Variants in SAMD3 observed in about 807,000 individuals in gnomAD.
The protein encoded by SAMD3 is sterile alpha motif domain-containing protein 3.
Under a neutral mutation model 58.5 loss-of-function variants are expected in SAMD3, and 63 were observed. The ratio of observed to expected loss-of-function variants is 1.08; its 90% CI spans 0.88 to 1.33. The LOEUF (loss-of-function observed/expected upper bound fraction) is 1.33. Ranked by LOEUF, SAMD3 falls within the 40% of genes most tolerant of loss-of-function variation. The probability of loss-of-function intolerance (pLI) is 0.00; values close to 1 mark genes in which losing one functional copy is unlikely to be tolerated. For missense variants in SAMD3, 604 were observed against 608.4 expected, an observed-to-expected ratio of 0.99 and a Z score of 0.08; for synonymous variants, 220 against 210.3, an observed-to-expected ratio of 1.05 and a Z score of -0.40.
intron 2 of SAMD3, among the ~76,000 whole-genome samples, chr6:130,247,577 G>A (rs907847085): frequency 5.3e-5 from 8 of 151,836 alleles, no homozygotes; most frequent in African/African-American, 1.7e-4. Flanking sequence ...ATTTAAAATC[G>A]TGAATTTGTA....
intron 2 of SAMD3, among the ~76,000 whole-genome samples, chr6:130,288,498 A>C (rs1342876342): frequency 6.6e-6 from 1 of 152,244 alleles, no homozygotes; most frequent in Non-Finnish European, 1.5e-5. Flanking sequence ...CTGGTGTTTG[A>C]CTAAACAACT....
At chr6:130,155,908 A>G (rs1789735812) in intron 8 of SAMD3, among the ~76,000 whole-genome samples, 1 of 152,224 alleles carries the variant, frequency 6.6e-6, no homozygotes, top group Admixed American at 6.5e-5. Flanking sequence ...AGAAGTTCCT[A>G]TAATCTTATA....
At chr6:130,200,377 T>C (rs547267863) in intron 5 of SAMD3, among the ~76,000 whole-genome samples, 2 of 101,050 alleles carry the variant, frequency 2.0e-5, no homozygotes, top group African/African-American at 8.0e-5. Flanking sequence ...CCATCTGTAC[T>C]AAAAATACAA....
At chr6:130,256,627 T>C (rs1006977397) in intron 2 of SAMD3, among the ~76,000 whole-genome samples, 1 of 152,236 alleles carries the variant, frequency 6.6e-6, no homozygotes, top group African/African-American at 2.4e-5. Context: ...TGTCTGTTTA[T>C]GACTACATGC....
intron 7 of SAMD3, among the ~76,000 whole-genome samples, chr6:130,177,102 T>G (rs1248470378): frequency 6.6e-6 from 1 of 152,168 alleles, no homozygotes; most frequent in Non-Finnish European, 1.5e-5. Flanking sequence ...AATCAATTCC[T>G]GGAGGACCTG....
intron 9 of SAMD3, among the ~76,000 whole-genome samples, chr6:130,152,134 A>G (rs1276054668): frequency 6.6e-6 from 1 of 151,854 alleles, no homozygotes. Flanking sequence ...CTGTTCTGCC[A>G]CCCTGTCTCC....
At chr6:130,224,487 G>A (rs1190794227), upstream of SAMD3, among the ~76,000 whole-genome samples, 1 of 152,060 alleles carries the variant, frequency 6.6e-6, no homozygotes, top group Non-Finnish European at 1.5e-5. Context: ...ATAGGACCCT[G>A]TGTTTCTCAT....
chr6:130,150,458 C>T (rs368665642), intron 9 of SAMD3, among the ~76,000 whole-genome samples: 2 of 152,122 alleles, frequency 1.3e-5, no homozygotes, highest in Non-Finnish European at 2.9e-5. Context: ...AGTGGGGAGT[C>T]TGGATTAAAT....
intron 1 of SAMD3, among the ~76,000 whole-genome samples, chr6:130,344,015 C>G (rs1213403154): frequency 6.6e-6 from 1 of 151,574 alleles, no homozygotes; most frequent in Non-Finnish European, 1.5e-5. Context: ...ACCTCAATAA[C>G]CCCCATAAGA....
intron 2 of SAMD3, among the ~76,000 whole-genome samples, chr6:130,297,209 A>G (rs1415647792): frequency 1.3e-5 from 2 of 152,162 alleles, no homozygotes; most frequent in Non-Finnish European, 2.9e-5. Flanking sequence ...CATACATCCA[A>G]TGCATCACTA....
chr6:130,275,724 C>A (rs1774751647), intron 2 of SAMD3, among the ~76,000 whole-genome samples: 1 of 152,058 alleles, frequency 6.6e-6, no homozygotes, highest in East Asian at 1.9e-4. Context: ...TCAAGTCTTG[C>A]CCTCCTCTTC....
At chr6:130,283,846 A>T (rs751282890) in intron 2 of SAMD3, among the ~76,000 whole-genome samples, 1 of 152,088 alleles carries the variant, frequency 6.6e-6, no homozygotes, top group Non-Finnish European at 1.5e-5. Flanking sequence ...AAGGATTGTT[A>T]TTATTATTTT....
At chr6:130,316,858 G>T (rs1278469176) in intron 1 of SAMD3, among the ~76,000 whole-genome samples, 1 of 152,168 alleles carries the variant, frequency 6.6e-6, no homozygotes, top group Non-Finnish European at 1.5e-5. Context: ...CAAAGGATTT[G>T]ATTTTCACAG....
At chr6:130,260,017 T>A (rs1382596240) in intron 2 of SAMD3, among the ~76,000 whole-genome samples, 1 of 152,238 alleles carries the variant, frequency 6.6e-6, no homozygotes, top group Non-Finnish European at 1.5e-5. Flanking sequence ...TTTGGCCATT[T>A]TCTAATTAGT....
chr6:130,144,148 C>G, downstream of SAMD3: 1 of 204,996 alleles, frequency 4.9e-6, no homozygotes. Context: ...AGCCCACAGG[C>G]CATAAATGTG....
intron 2 of SAMD3, among the ~76,000 whole-genome samples, chr6:130,305,528 G>A (rs924889835): frequency 6.6e-6 from 1 of 152,120 alleles, no homozygotes; most frequent in African/African-American, 2.4e-5. Flanking sequence ...TTAGAAAAAT[G>A]ATAGCAATAA....
intron 11 of SAMD3, among the ~76,000 whole-genome samples, 159 bp from the exon 12 acceptor site, chr6:130,144,963 T>C (rs1182305705): frequency 6.6e-6 from 1 of 152,182 alleles, no homozygotes; most frequent in African/African-American, 2.4e-5. Context: ...ACTTTGCTTT[T>C]AAATAAGTTA....
At position 130,358,846 on chromosome 6, in the gene SAMD3, C is replaced by T. The variant is rs184266205; in HGVS notation, c.-304+6274G>A. Among the ~76,000 whole-genome samples the T allele has an allele frequency of 4.0e-3, 611 of 152,068 alleles. 1 individual carries two copies. The highest frequency in any genetic ancestry group is 5.5e-3 in the Non-Finnish European group (376 of 67,998). On this transcript the variant is annotated intron_variant, in intron 1 of 13. Transcript: ENST00000368134. ...TGTCTCCTTAACCCCTACTCATATC[C>T]GTGGATATAGATCTTTTGTCTAATG...
At chr6:130,268,343 A>G (rs914022492) in intron 2 of SAMD3, among the ~76,000 whole-genome samples, 1 of 152,216 alleles carries the variant, frequency 6.6e-6, no homozygotes, top group Non-Finnish European at 1.5e-5. Flanking sequence ...TTGAAACATG[A>G]GAGAACTTAT....
Sources: gnomAD v4.1 joint callset for allele counts (sites outside exome capture counted in the v4.1 genomes callset) on GRCh38, gnomAD v4.1.1 for gene constraint, MANE v1.5 for transcripts, NCBI Gene and HGNC (gene_info 2026-07-23, HGNC 2026-07-21) for gene names.